The following ZZEF1 variants were observed in gnomAD, a reference collection of about 807,000 sequenced individuals.
The protein encoded by ZZEF1 is zinc finger ZZ-type and EF-hand domain-containing protein 1.
ZZEF1 carries 157 observed loss-of-function variants against 342.8 expected under a neutral mutation model. The ratio of observed to expected loss-of-function variants is 0.46; its 90% CI spans 0.40 to 0.52. The LOEUF (loss-of-function observed/expected upper bound fraction) is 0.52. ZZEF1 is among the 20% of genes least tolerant of loss of function. The pLI is 0.00. For missense variants in ZZEF1, 3,480 were observed against 3,725.6 expected (o/e 0.93, Z 1.72); for synonymous variants, 1,505 against 1,429.1 (o/e 1.05, Z -1.20).
intron 13 of ZZEF1, among the ~76,000 whole-genome samples, chr17:4,088,106 GAC>G (rs2057873604): frequency 6.6e-6 from 1 of 152,086 alleles, no homozygotes; most frequent in Non-Finnish European, 1.5e-5. Context: ...ATCAAGAGTG[GAC>G]ACTGCTATAC....
At chr17:4,142,004 T>C (rs2058860688) in intron 1 of ZZEF1, among the ~76,000 whole-genome samples, 1 of 152,236 alleles carries the variant, frequency 6.6e-6, no homozygotes, top group South Asian at 2.1e-4. Flanking sequence ...ATGAGTCTAA[T>C]ATATGGTTCT....
At chr17:4,122,460 C>A (rs551942986) in intron 2 of ZZEF1, among the ~76,000 whole-genome samples, 1 of 151,938 alleles carries the variant, frequency 6.6e-6, no homozygotes, top group East Asian at 1.9e-4. Flanking sequence ...CTCACTGCAA[C>A]CACCACCTCC....
Position 4,084,012 on chromosome 17 carries a change from T to C in ZZEF1, c.2647-1508A>G, listed in dbSNP as rs545557767. On this transcript the variant is annotated intron_variant, in intron 16 of 54. Coordinates refer to ENST00000381638, the MANE Select transcript of ZZEF1 (RefSeq NM_015113.4). ...TCAAAACAAATAAATATTTGTTTTA[T>C]TCTATTATTTTTAACACTTCTTTCC... Among the ~76,000 whole-genome samples, 6 of 152,300 alleles carry C rather than the reference T, an allele frequency of 3.9e-5. No individual in the cohort carries two copies. In the South Asian group the frequency reaches 1.0e-3, roughly 26 times the overall value.
intron 32 of ZZEF1, among the ~76,000 whole-genome samples, chr17:4,057,363 G>A (rs984215492): frequency 5.3e-5 from 8 of 152,188 alleles, no homozygotes; most frequent in African/African-American, 1.7e-4. Flanking sequence ...AGTGGAGACT[G>A]TCCTGGTGTT....
At chr17:4,042,652 G>C (rs1190247369) in intron 38 of ZZEF1, 84 bp from the exon 39 acceptor site, 10 of 1,349,722 alleles carry the variant, frequency 7.4e-6, no homozygotes, top group Non-Finnish European at 1.0e-5. Flanking sequence ...TGTCCCCTGT[G>C]CTGCTACGGA....
chr17:4,054,982 T>C (rs1024516090), intron 33 of ZZEF1, among the ~76,000 whole-genome samples: 2 of 152,110 alleles, frequency 1.3e-5, no homozygotes, highest in Non-Finnish European at 2.9e-5. Context: ...AGAAAGTTTC[T>C]GGCTTGGGTA....
At chr17:4,114,995 T>C (rs2058371443) in intron 3 of ZZEF1, among the ~76,000 whole-genome samples, 1 of 152,168 alleles carries the variant, frequency 6.6e-6, no homozygotes, top group Non-Finnish European at 1.5e-5. Context: ...TAACATTTAC[T>C]TGAGTGTTTA....
rs1042836666 is a variant in ZZEF1 at position 4,048,709 on chromosome 17, T to C, written c.6015+999A>G. 2.0e-5 allele frequency among the ~76,000 whole-genome samples: 3 copies of C among 151,994 alleles called. No individual in the cohort carries two copies. In the East Asian group the frequency reaches 5.8e-4, roughly 29 times the overall value. Reference sequence around the variant, plus strand: ...TACAGTGTACACCATGGGCTAGGAATGACTTTTTTTTGGTTGTTTTTTTTG... The same window carrying C: ...TACAGTGTACACCATGGGCTAGGAACGACTTTTTTTTGGTTGTTTTTTTTG... On this transcript the variant is annotated intron_variant, in intron 37 of 54. Coordinates refer to ENST00000381638, the MANE Select transcript of ZZEF1 (RefSeq NM_015113.4).
At position 4,142,975 on chromosome 17, in the gene ZZEF1, CTGGCGGGCGGGGACG is replaced by C. The variant is rs2058895190; in HGVS notation, c.-95_-81del. 7.9e-7 allele frequency: 1 copy of C among 1,270,114 alleles called. No individual in the cohort carries two copies. Among genetic ancestry groups the C allele is most frequent in the South Asian group, 3.1e-5 (1 of 32,762 alleles). The allele number at this position is 1,270,114 out of a possible 1,614,324, so 78.7% of individuals were successfully genotyped here. ...TCGACCTGTCAACCTCCGACAGCAGCTGGCGGGCGGGGACGCGGAGGAGACGACGGCGGCCCCTGC... is the reference window on the plus strand; with the variant it reads ...TCGACCTGTCAACCTCCGACAGCAGCCGGAGGAGACGACGGCGGCCCCTGC... On this transcript the variant is annotated 5_prime_UTR_variant, in exon 1 of 55. Coordinates refer to ENST00000381638, the MANE Select transcript of ZZEF1 (RefSeq NM_015113.4).
chr17:4,123,851 A>G (rs2058530287), intron 2 of ZZEF1, 56 bp downstream of exon 2: 2 of 1,566,414 alleles, frequency 1.3e-6, no homozygotes, highest in East Asian at 2.3e-5. Context: ...AATTTCAATC[A>G]GTAGTATAGC....
rs1333776905 is a variant in ZZEF1, at chr17:4,070,849, A to G, written c.3910T>C (p.Cys1304Arg). The change falls in exon 26 of 55, where the codon TGT (cysteine) becomes CGT (arginine). Residue 1304 changes from cysteine (C) to arginine (R), a missense_variant. By Grantham distance (180) the Cys-to-Arg change is radical. Transcript: ENST00000381638. ...TTGAAAAGTTCTGAATATGGCCCAC[A>G]GAAGTTCTGAGCAGGCTCTGACTGG... ...FAQSEPAQNF[C>R]GPYSELFKGF... is the part of the protein sequence containing the mutation. The G allele has an allele frequency of 6.2e-7, 1 of 1,614,186 alleles. No individual in the cohort carries two copies.
chr17:4,086,330 GGGGATTCC>G (rs2057822740), intron 15 of ZZEF1, among the ~76,000 whole-genome samples, 148 bp downstream of exon 15: 1 of 135,882 alleles, frequency 7.4e-6, no homozygotes, highest in South Asian at 2.2e-4. Flanking sequence ...TCCCTTTCTG[GGGGATTCC>G]CACAGCGGCA....
Position 4,066,060 on chromosome 17 carries a change from G to A in ZZEF1, c.4249+387C>T, listed in dbSNP as rs150994706. Among the ~76,000 whole-genome samples the A allele has an allele frequency of 2.4e-3, 372 of 152,254 alleles. 1 individual carries two copies. The highest frequency in any genetic ancestry group is 8.3e-3 in the African/African-American group (345 of 41,542). The stretch of plus-strand genomic sequence containing the variant: ...CACCTGCTTGATGTCCCAGCTACCC[G>A]GTAGGCTAAGGCGGGAAGATTGCTT... On this transcript the variant is annotated intron_variant, in intron 28 of 54. Transcript: ENST00000381638.
Position 4,088,797 on chromosome 17 carries a change from C to T in ZZEF1, c.2122G>A (p.Ala708Thr), listed in dbSNP as rs2057889736. 3.7e-6 allele frequency: 6 copies of T among 1,614,088 alleles called. No homozygotes were observed. The highest frequency in any genetic ancestry group is 2.7e-5 in the African/African-American group (2 of 74,940). ...CAGGTGACGCTCTGTTCTGCTTCTG[C>T]TCTTGCAGGCCGGAGGTACCCACTG... ...TISGYLRPARAEAEQSVTCAH... is the reference protein window; with the variant it reads ...TISGYLRPARTEAEQSVTCAH... Residue 708 changes from alanine to threonine, a missense_variant, in exon 13 of 55, where the codon GCA (alanine) becomes ACA (threonine). Transcript: ENST00000381638.
chr17:4,036,776 TACACAC>T (rs761229612), intron 39 of ZZEF1, among the ~76,000 whole-genome samples: 68 of 99,946 alleles, frequency 6.8e-4, no homozygotes, highest in South Asian at 6.3e-3. Flanking sequence ...ATATATAGAA[TACACAC>T]ACACACACAC....
Position 4,017,933 on chromosome 17 carries a change from C to T in ZZEF1, c.7544G>A (p.Arg2515Gln), listed in dbSNP as rs139593441. 68 of 1,614,030 alleles carry T rather than the reference C, an allele frequency of 4.2e-5. No individual in the cohort carries two copies. Among genetic ancestry groups the T allele is most frequent in the African/African-American group, 2.7e-4 (20 of 75,020 alleles). The part of the protein sequence containing the change: ...GDELTTDERI[R>Q]SLAQRWQPSK... ...GGGCTGCCACCGCTGAGCCAGGGACCGTATCCTTTCATCTGTGGTGAGCTC... is the reference window on the plus strand; with the variant it reads ...GGGCTGCCACCGCTGAGCCAGGGACTGTATCCTTTCATCTGTGGTGAGCTC... The change falls in exon 47 of 55, where the codon CGG becomes CAG. Residue 2515 changes from arginine (R) to glutamine (Q), a missense_variant. Transcript: ENST00000381638. The surrounding 1 kb of genome is among the most constrained non-coding windows in gnomAD (Gnocchi z 5.1).
At chr17:4,011,862 T>A (rs971211850) in intron 52 of ZZEF1, among the ~76,000 whole-genome samples, 1 of 152,194 alleles carries the variant, frequency 6.6e-6, no homozygotes, top group Non-Finnish European at 1.5e-5. Context: ...AGCATGAGCA[T>A]GTGAGGTACA....
Position 4,033,005 on chromosome 17 carries a change from G to T in ZZEF1, c.6585-3C>A, listed in dbSNP as rs1391515815. On this transcript the variant is annotated splice_polypyrimidine_tract_variant and splice_region_variant and intron_variant, in intron 40 of 54. Transcript: ENST00000381638. ...ACGCCCAGTCCAAGCCCACCCGGCT[G>T]GAAGGCAAGAGCTCCATTAGGGGCA... 6.4e-7 allele frequency: 1 copy of T among 1,560,292 alleles called. No individual in the cohort carries two copies. Among genetic ancestry groups the T allele is most frequent in the Non-Finnish European group, 8.7e-7 (1 of 1,151,550 alleles).
chr17:4,040,036 G>C, intron 39 of ZZEF1, among the ~76,000 whole-genome samples: 1 of 151,954 alleles, frequency 6.6e-6, no homozygotes, highest in East Asian at 1.9e-4. Flanking sequence ...GAATTCCAAG[G>C]GTTAAAAAAA....
Sources: gnomAD v4.1 joint callset for allele counts (sites outside exome capture counted in the v4.1 genomes callset) on GRCh38, gnomAD v4.1.1 for gene constraint, Gnocchi (gnomAD v3.1) non-coding constraint, MANE v1.5 for transcripts, NCBI Gene and HGNC (gene_info 2026-07-23, HGNC 2026-07-21) for gene names.